PTDSS1: variants seen among roughly 807,000 people sequenced by gnomAD.
PTDSS1 encodes PSS-1.
A neutral mutation model predicts 70.5 loss-of-function variants in PTDSS1; 45 were observed. The ratio of observed to expected loss-of-function variants is 0.64; its 90% CI spans 0.50 to 0.82. The LOEUF (loss-of-function observed/expected upper bound fraction) is 0.82, where lower values mean the gene tolerates loss of function less well. PTDSS1 is among the 40% of genes least tolerant of loss of function. The probability of loss-of-function intolerance (pLI) is 0.00; values close to 1 mark genes in which losing one functional copy is unlikely to be tolerated. For missense variants in PTDSS1, 417 were observed against 586.1 expected (o/e 0.71, Z 2.98); for synonymous variants, 188 against 203.8 (o/e 0.92, Z 0.66).
At chr8:96,324,400 T>C (rs1161659906) in intron 10 of PTDSS1, among the ~76,000 whole-genome samples, 2 of 152,208 alleles carry the variant, frequency 1.3e-5, no homozygotes. Context: ...CACCCCACTT[T>C]TTGGTACCGA....
At chr8:96,269,927 G>A (rs1395262781) in intron 1 of PTDSS1, among the ~76,000 whole-genome samples, 1 of 152,138 alleles carries the variant, frequency 6.6e-6, no homozygotes, top group Non-Finnish European at 1.5e-5. Context: ...TGATAGTAAC[G>A]GACACTTTCT....
intron 6 of PTDSS1, among the ~76,000 whole-genome samples, chr8:96,302,629 T>G (rs1027446599): frequency 1.3e-5 from 2 of 152,186 alleles, no homozygotes; most frequent in Non-Finnish European, 2.9e-5. Context: ...TCGCCTAGGC[T>G]GGAGTGCAGT....
intron 10 of PTDSS1, among the ~76,000 whole-genome samples, chr8:96,329,741 C>T (rs1231607330): frequency 6.6e-6 from 1 of 152,218 alleles, no homozygotes; most frequent in Non-Finnish European, 1.5e-5. Flanking sequence ...GCTCCCCACC[C>T]TCTACCCTGG....
intron 1 of PTDSS1, among the ~76,000 whole-genome samples, chr8:96,272,487 A>G (rs756167088): frequency 1.3e-5 from 2 of 152,182 alleles, no homozygotes; most frequent in South Asian, 2.1e-4. Context: ...TGCCTCTAAC[A>G]TAAGTCAGGC....
chr8:96,272,240 T>G (rs944204804), intron 1 of PTDSS1, among the ~76,000 whole-genome samples: 4 of 152,144 alleles, frequency 2.6e-5, no homozygotes, highest in Non-Finnish European at 5.9e-5. Flanking sequence ...TTGTTGATTG[T>G]TTTGTTTTGT....
chr8:96,299,929 A>C lies in PTDSS1; in HGVS notation c.752+84A>C, dbSNP rs922312996. On this transcript the variant is annotated intron_variant, in intron 6 of 12. Transcript: ENST00000517309. ...TTTGGTAGGAATCCATTTTAGTATG[A>C]TCTTTGATGATAAGGAATAAATTCC... The C allele has an allele frequency of 9.0e-6, 13 of 1,437,180 alleles. No homozygotes were observed. The African/African-American group carries it at 1.6e-4, about 18-fold the overall frequency. The allele number at this position is 1,437,180 out of a possible 1,614,324, so 89.0% of individuals were successfully genotyped here.
chr8:96,265,724 C>T (rs1253112028), intron 1 of PTDSS1, among the ~76,000 whole-genome samples: 3 of 152,222 alleles, frequency 2.0e-5, no homozygotes, highest in Admixed American at 2.0e-4. Context: ...CACCATACTC[C>T]AGCCTCCACC....
rs993446423 is a variant in PTDSS1 at position 96,334,649 on chromosome 8, T to C, written c.*1083T>C. On this transcript the variant is annotated 3_prime_UTR_variant, in exon 13 of 13. Coordinates refer to ENST00000517309, the MANE Select transcript of PTDSS1 (RefSeq NM_014754.3). ...TTTCAAGTGACTTTAGGATAATATA[T>C]ATGTGTTTTACATAGTGAGAAGAAA... 3 of 152,612 alleles carry C rather than the reference T, an allele frequency of 2.0e-5. No individual in the cohort carries two copies. Among genetic ancestry groups the C allele is most frequent in the Non-Finnish European group, 4.4e-5 (3 of 68,044 alleles). The allele number at this position is 152,612 out of a possible 1,614,324, so 9.5% of individuals were successfully genotyped here. A position where few individuals can be genotyped will look rare whatever the true frequency, so the allele number is the denominator to read the frequency against.
chr8:96,281,869 T>G (rs1321124050), intron 2 of PTDSS1, among the ~76,000 whole-genome samples: 1 of 152,140 alleles, frequency 6.6e-6, no homozygotes. Context: ...AGTACCCTTA[T>G]CTGTAAAGTG....
chr8:96,285,372 G>A (rs1176650365), intron 3 of PTDSS1, among the ~76,000 whole-genome samples: 1 of 152,142 alleles, frequency 6.6e-6, no homozygotes, highest in Non-Finnish European at 1.5e-5. Flanking sequence ...AGAGTCATCG[G>A]GCACAGATGT....
intron 4 of PTDSS1, among the ~76,000 whole-genome samples, chr8:96,290,858 TATATA>T (rs1253681165): frequency 2.1e-5 from 3 of 146,140 alleles, no homozygotes; most frequent in Non-Finnish European, 3.0e-5. Context: ...TATAAAATAT[TATATA>T]ATATAAATAT....
chr8:96,262,030 G>A lies in PTDSS1; in HGVS notation c.-11G>A. The A allele has an allele frequency of 6.2e-7, 1 of 1,609,332 alleles. No individual in the cohort carries two copies. On this transcript the variant is annotated 5_prime_UTR_variant, in exon 1 of 13. Coordinates refer to ENST00000517309, the MANE Select transcript of PTDSS1 (RefSeq NM_014754.3). The surrounding 1 kb of genome is among the most constrained non-coding windows in gnomAD (Gnocchi z 4.4). Reference sequence around the variant, plus strand: ...GGCCGCCGCCACCGCGGCAGGACGGGGAGGCGGGCCATGGCGTCCTGCGTG... The same window carrying A: ...GGCCGCCGCCACCGCGGCAGGACGGAGAGGCGGGCCATGGCGTCCTGCGTG...
chr8:96,293,561 C>G (rs368245506), intron 4 of PTDSS1, among the ~76,000 whole-genome samples: 30 of 152,382 alleles, frequency 2.0e-4, no homozygotes, highest in African/African-American at 7.2e-4. Context: ...ACTGCAATGC[C>G]CTGTGGCCCT....
At position 96,335,815 on chromosome 8, in the gene PTDSS1, T is replaced by C. The variant is rs537915765; in HGVS notation, c.*2249T>C. 86 of 152,332 alleles carry C rather than the reference T, an allele frequency of 5.6e-4. No individual in the cohort carries two copies. The highest frequency in any genetic ancestry group is 2.0e-3 in the African/African-American group (83 of 41,572). The allele number at this position is 152,332 out of a possible 1,614,324, so 9.4% of individuals were successfully genotyped here. A position where few individuals can be genotyped will look rare whatever the true frequency, so the allele number is the denominator to read the frequency against. On this transcript the variant is annotated 3_prime_UTR_variant, in exon 13 of 13. Coordinates refer to ENST00000517309, the MANE Select transcript of PTDSS1 (RefSeq NM_014754.3). ...TGGCCTACTTTTTTCACCGTTTCTATGGAAATAAACCTCACATTGATGGAA... is the reference window on the plus strand; with the variant it reads ...TGGCCTACTTTTTTCACCGTTTCTACGGAAATAAACCTCACATTGATGGAA...
intron 12 of PTDSS1, among the ~76,000 whole-genome samples, chr8:96,332,275 A>G (rs1811528506): frequency 6.6e-6 from 1 of 152,202 alleles, no homozygotes; most frequent in African/African-American, 2.4e-5. Flanking sequence ...TTCCTCGTCA[A>G]TCCTTATAAG....
chr8:96,313,326 A>G (rs1811238746), intron 9 of PTDSS1, among the ~76,000 whole-genome samples: 1 of 152,150 alleles, frequency 6.6e-6, no homozygotes, highest in South Asian at 2.1e-4. Context: ...TCCCTAACAG[A>G]GAGAAAGCAG....
At chr8:96,329,758 T>G (rs112770167) in intron 10 of PTDSS1, among the ~76,000 whole-genome samples, 14 of 152,290 alleles carry the variant, frequency 9.2e-5, no homozygotes, top group African/African-American at 3.4e-4. Flanking sequence ...CTGGGAGTGT[T>G]TGTCCGTGGG....
At chr8:96,272,450 C>A (rs182841580) in intron 1 of PTDSS1, among the ~76,000 whole-genome samples, 2 of 152,200 alleles carry the variant, frequency 1.3e-5, no homozygotes, top group African/African-American at 2.4e-5. Context: ...ATTGTGTGTC[C>A]TGTCAATGTC....
chr8:96,262,230 C>T lies in PTDSS1; in HGVS notation c.179+11C>T, dbSNP rs760445537. On this transcript the variant is annotated intron_variant, in intron 1 of 12. Transcript: ENST00000517309. This position sits in a 1 kb window ranked among gnomAD's most constrained non-coding sequence, Gnocchi z 4.4. ...CTTCGCCTTTACCAGGTGGGGCGGC[C>T]CAGCCGAGCGGGGGGCGCGTCCAAG... The T allele has an allele frequency of 8.1e-6, 13 of 1,610,388 alleles. No individual in the cohort carries two copies. Among genetic ancestry groups the T allele is most frequent in the Admixed American group, 5.0e-5 (3 of 59,834 alleles).
Sources: allele counts gnomAD v4.1 joint callset (sites outside exome capture counted in the v4.1 genomes callset), GRCh38; gene constraint gnomAD v4.1.1; non-coding constraint Gnocchi (gnomAD v3.1); transcripts MANE v1.5; gene names NCBI Gene and HGNC (gene_info 2026-07-23, HGNC 2026-07-21).